MMP26: variants seen among roughly 807,000 people sequenced by gnomAD.
The protein encoded by MMP26 is matrix metalloproteinase-26.
In MMP26, 33 loss-of-function variants were observed where a neutral mutation model predicts 31.0. That is an observed-to-expected ratio of 1.06 (90% CI 0.81 to 1.42). The LOEUF (loss-of-function observed/expected upper bound fraction) is 1.42, where lower values mean the gene tolerates loss of function less well. Ranked by LOEUF, MMP26 falls within the 40% of genes most tolerant of loss-of-function variation. MMP26 has a pLI of 0.00. For synonymous variants in MMP26, 122 were observed against 114.9 expected (o/e 1.06, Z -0.40); for missense variants, 347 against 316.1 (o/e 1.10, Z -0.74).
In MMP26 at chr11:4,907,618, G is replaced by T. The variant is rs772935143; in HGVS notation, c.-144-80450G>T. On this transcript the variant is annotated intron_variant, in intron 2 of 7. Transcript: ENST00000380390. ...TCTCCTCCCTTCCTACCATGTTGAG[G>T]GTCTTCTTGTTCAATGCCATGGGAA... 1.4e-5 allele frequency: 23 copies of T among 1,613,814 alleles called. No individual in the cohort carries two copies. The African/African-American group carries it at 2.9e-4, about 21-fold the overall frequency.
intron 2 of MMP26, among the ~76,000 whole-genome samples, chr11:4,880,963 T>C (rs920611950): frequency 1.3e-5 from 2 of 152,040 alleles, no homozygotes; most frequent in Non-Finnish European, 2.9e-5. Flanking sequence ...TTGAGTTGAG[T>C]GAGTGTTATT....
intron 1 of MMP26, among the ~76,000 whole-genome samples, chr11:4,765,471 G>A (rs1464388346): frequency 6.6e-6 from 1 of 152,108 alleles, no homozygotes; most frequent in East Asian, 1.9e-4. Context: ...CTAGCCCCTT[G>A]TTGGCTGCTT....
In MMP26 at chr11:4,835,419, ATT is replaced by A. The variant is rs34383180; in HGVS notation, c.-145+68086_-145+68087del. On this transcript the variant is annotated intron_variant, in intron 2 of 7. Coordinates refer to ENST00000380390, the MANE Select transcript of MMP26 (RefSeq NM_021801.5). ...TCTCCCCTCTGTGTGCTGTTAAGAAATTTTTTTTTCCCCTTAACTTATCAGTC... is the reference window on the plus strand; with the variant it reads ...TCTCCCCTCTGTGTGCTGTTAAGAAATTTTTTTCCCCTTAACTTATCAGTC... Among the ~76,000 whole-genome samples the A allele has an allele frequency of 5.6e-3, 851 of 151,762 alleles. 9 individuals carry two copies. Among genetic ancestry groups the A allele is most frequent in the African/African-American group, 0.02 (810 of 41,344 alleles).
chr11:4,730,642 C>A (rs1848162056), intron 1 of MMP26, among the ~76,000 whole-genome samples: 2 of 152,180 alleles, frequency 1.3e-5, no homozygotes, highest in African/African-American at 4.8e-5. Context: ...TACGTTGTCT[C>A]TCTGGATCTC....
chr11:4,898,831 CTGTGTGTGTGTGTGTGTG>C (rs1157500335), intron 2 of MMP26, among the ~76,000 whole-genome samples: 62 of 94,156 alleles, frequency 6.6e-4, no homozygotes, highest in Non-Finnish European at 9.6e-4. Context: ...CTCTCTCTCT[CTGTGTGTGTGTGTGTGTG>C]TGTGTGTGTG....
chr11:4,707,123 T>C (rs535016420), intron 1 of MMP26, among the ~76,000 whole-genome samples: 63 of 152,338 alleles, frequency 4.1e-4, no homozygotes, highest in African/African-American at 1.3e-3. Flanking sequence ...TTCACAGTGG[T>C]TGCATGATTT....
intron 2 of MMP26, among the ~76,000 whole-genome samples, chr11:4,835,357 C>A (rs999341239): frequency 6.6e-6 from 1 of 152,122 alleles, no homozygotes; most frequent in Non-Finnish European, 1.5e-5. Flanking sequence ...CTTCTGTGTA[C>A]CACTGTTACA....
At chr11:4,746,256 T>G (rs1265309811) in intron 1 of MMP26, among the ~76,000 whole-genome samples, 1 of 152,214 alleles carries the variant, frequency 6.6e-6, no homozygotes, top group Admixed American at 6.5e-5. Flanking sequence ...CTATGTCAAG[T>G]AGTTTTTGAT....
intron 2 of MMP26, among the ~76,000 whole-genome samples, chr11:4,901,634 T>A (rs1403670422): frequency 6.6e-6 from 1 of 152,108 alleles, no homozygotes; most frequent in Non-Finnish European, 1.5e-5. Context: ...AGATAAAAAA[T>A]GCTTTAGTTT....
intron 2 of MMP26, chr11:4,821,968 C>T: frequency 6.2e-7 from 1 of 1,613,980 alleles, no homozygotes; most frequent in Non-Finnish European, 8.5e-7. Flanking sequence ...TTACTGCTAC[C>T]ATGTTGATCT....
At chr11:4,759,712 T>C (rs1020288797) in intron 1 of MMP26, among the ~76,000 whole-genome samples, 3 of 152,238 alleles carry the variant, frequency 2.0e-5, no homozygotes, top group African/African-American at 4.8e-5. Context: ...ACAACTTCTA[T>C]GTTTTTAAGT....
At chr11:4,945,974 G>A (rs1234364512) in intron 2 of MMP26, 3 of 620,228 alleles carry the variant, frequency 4.8e-6, no homozygotes, top group Non-Finnish European at 8.6e-6. Context: ...CTGAAATGGG[G>A]ACATAAGGCA....
rs1485713826 is a variant in MMP26 at position 4,802,863 on chromosome 11, T to C, written c.-145+35522T>C. Among the ~76,000 whole-genome samples the C allele has an allele frequency of 1.3e-5, 2 of 152,176 alleles. 1 individual carries two copies. The highest frequency in any genetic ancestry group is 4.8e-5 in the African/African-American group (2 of 41,470). ...CAAATTTTCAGATAGTCCTTTCAAA[T>C]AAAATAGTTAAATGGCACCTGATAT... On this transcript the variant is annotated intron_variant, in intron 2 of 7. Transcript: ENST00000380390.
intron 2 of MMP26, among the ~76,000 whole-genome samples, chr11:4,976,649 G>A (rs1257998947): frequency 6.6e-6 from 1 of 151,990 alleles, no homozygotes; most frequent in Non-Finnish European, 1.5e-5. Flanking sequence ...AAAGGCCTCT[G>A]AGGATGACAC....
intron 2 of MMP26, among the ~76,000 whole-genome samples, chr11:4,767,620 G>A (rs7951510): frequency 0.19 from 28,190 of 151,908 alleles, 3,988 homozygotes; most frequent in African/African-American, 0.4. Flanking sequence ...ATATTTAAAA[G>A]AATTTTTACC....
intron 1 of MMP26, among the ~76,000 whole-genome samples, chr11:4,742,280 A>G (rs1848324968): frequency 6.6e-6 from 1 of 152,222 alleles, no homozygotes; most frequent in Non-Finnish European, 1.5e-5. Context: ...AAAGACAAGT[A>G]TAGTGGAATT....
chr11:4,809,104 G>A (rs746546215), intron 2 of MMP26, among the ~76,000 whole-genome samples: 20 of 151,870 alleles, frequency 1.3e-4, no homozygotes, highest in Middle Eastern at 3.2e-3. Flanking sequence ...TCTCTAAAAG[G>A]TAGGAAAAGA....
chr11:4,770,097 C>T (rs1848696565), intron 2 of MMP26, among the ~76,000 whole-genome samples: 1 of 152,182 alleles, frequency 6.6e-6, no homozygotes, highest in African/African-American at 2.4e-5. Context: ...TCATCTACCA[C>T]TCATAATCAG....
At chr11:4,929,672 G>A (rs1407163273) in intron 2 of MMP26, among the ~76,000 whole-genome samples, 1 of 152,064 alleles carries the variant, frequency 6.6e-6, no homozygotes, top group Non-Finnish European at 1.5e-5. Flanking sequence ...TGTGAGGTTG[G>A]CTCCAGTAGC....
Sources: gnomAD v4.1 joint callset for allele counts (sites outside exome capture counted in the v4.1 genomes callset) on GRCh38, gnomAD v4.1.1 for gene constraint, MANE v1.5 for transcripts, NCBI Gene and HGNC (gene_info 2026-07-23, HGNC 2026-07-21) for gene names.